KIAA0825: variants seen among roughly 807,000 people sequenced by gnomAD.
KIAA0825 encodes uncharacterized protein KIAA0825.
In KIAA0825, 119 loss-of-function variants were observed where a neutral mutation model predicts 147.6. That is an observed-to-expected ratio of 0.81 (90% CI 0.69 to 0.94). The LOEUF (loss-of-function observed/expected upper bound fraction) is 0.94, where lower values mean the gene tolerates loss of function less well. Ranked by LOEUF, KIAA0825 falls within the 40% of genes least tolerant of loss-of-function variation. The pLI is 0.00. For missense variants in KIAA0825, 1,381 were observed against 1,472.7 expected, an observed-to-expected ratio of 0.94 and a Z score of 1.02; for synonymous variants, 470 against 518.1, an observed-to-expected ratio of 0.91 and a Z score of 1.26.
At chr5:94,380,548 A>G (rs954402378) in intron 20 of KIAA0825, among the ~76,000 whole-genome samples, 10 of 152,268 alleles carry the variant, frequency 6.6e-5, no homozygotes, top group African/African-American at 2.4e-4. Context: ...AGATTAAAAG[A>G]CAATAAATAA....
rs1761438391 is a variant in KIAA0825, at chr5:94,473,213, A to G, written c.1455+79T>C. On this transcript the variant is annotated intron_variant, in intron 8 of 20. Coordinates refer to ENST00000682413, the MANE Select transcript of KIAA0825 (RefSeq NM_001145678.3). ...CAAGGGACTCCACCATTTGATCTAC[A>G]GGTCCTTTTTGCAATGCCTTATACT... is the stretch of plus-strand genomic sequence containing the variant. The G allele has an allele frequency of 4.6e-6, 5 of 1,091,574 alleles. No homozygotes were observed. The East Asian group carries it at 1.0e-4, about 23-fold the overall frequency. The allele number at this position is 1,091,574 out of a possible 1,614,324, so 67.6% of individuals were successfully genotyped here. A position where few individuals can be genotyped will look rare whatever the true frequency, so the allele number is the denominator to read the frequency against.
At chr5:94,524,943 C>T (rs1052518262) in intron 3 of KIAA0825, among the ~76,000 whole-genome samples, 9 of 151,744 alleles carry the variant, frequency 5.9e-5, no homozygotes, top group African/African-American at 2.2e-4. Context: ...AATTTCCATA[C>T]ACACTTATGT....
At chr5:94,391,483 T>A (rs1445456565) in intron 18 of KIAA0825, 52 bp downstream of exon 18, 1 of 1,539,660 alleles carries the variant, frequency 6.5e-7, no homozygotes, top group African/African-American at 1.4e-5. Flanking sequence ...CAGCAGACGC[T>A]GCCTCAGGCC....
intron 20 of KIAA0825, among the ~76,000 whole-genome samples, chr5:94,213,588 A>C (rs1311912756): frequency 6.6e-6 from 1 of 152,066 alleles, no homozygotes; most frequent in Non-Finnish European, 1.5e-5. Context: ...TGGGACCCAG[A>C]CTCTCATCTT....
intron 1 of KIAA0825, among the ~76,000 whole-genome samples, chr5:94,591,302 G>A (rs1784311365): frequency 6.6e-6 from 1 of 152,196 alleles, no homozygotes; most frequent in African/African-American, 2.4e-5. Context: ...ACAATCAATT[G>A]AAGGTTTGCT....
chr5:94,194,402 C>T (rs749416221), intron 20 of KIAA0825, among the ~76,000 whole-genome samples: 6 of 152,134 alleles, frequency 3.9e-5, no homozygotes, highest in Non-Finnish European at 7.3e-5. Context: ...TGGGATCTCA[C>T]TGAGTTTAAC....
At chr5:94,523,707 C>T (rs1181951845) in intron 4 of KIAA0825, among the ~76,000 whole-genome samples, 2 of 151,314 alleles carry the variant, frequency 1.3e-5, no homozygotes, top group Non-Finnish European at 3.0e-5. Flanking sequence ...AATATTGTAT[C>T]TCCATTTATA....
At chr5:94,219,520 A>T (rs1042151804) in intron 20 of KIAA0825, among the ~76,000 whole-genome samples, 3 of 152,188 alleles carry the variant, frequency 2.0e-5, no homozygotes, top group African/African-American at 7.2e-5. Flanking sequence ...CTGCTTAACA[A>T]TGAGGATACA....
intron 20 of KIAA0825, among the ~76,000 whole-genome samples, chr5:94,312,611 A>C (rs546594507): frequency 6.6e-6 from 1 of 151,778 alleles, no homozygotes; most frequent in African/African-American, 2.4e-5. Context: ...GTGTAAAAAA[A>C]CTCATTCTCT....
chr5:94,167,952 G>A (rs898058345), intron 20 of KIAA0825, among the ~76,000 whole-genome samples: 1 of 150,882 alleles, frequency 6.6e-6, no homozygotes, highest in Non-Finnish European at 1.5e-5. Context: ...AAGTTTATTT[G>A]TTTATTTTAC....
chr5:94,326,911 T>G (rs1165507819), intron 20 of KIAA0825, among the ~76,000 whole-genome samples: 1 of 152,168 alleles, frequency 6.6e-6, no homozygotes, highest in East Asian at 1.9e-4. Context: ...TCACAAATCT[T>G]GAGATGTGGT....
intron 20 of KIAA0825, among the ~76,000 whole-genome samples, chr5:94,242,132 A>C (rs1775376860): frequency 6.6e-6 from 1 of 152,208 alleles, no homozygotes; most frequent in African/African-American, 2.4e-5. Flanking sequence ...TGTATAATGA[A>C]CTTGCTTCCA....
At chr5:94,187,729 G>C (rs946709425) in intron 20 of KIAA0825, among the ~76,000 whole-genome samples, 1 of 152,094 alleles carries the variant, frequency 6.6e-6, no homozygotes, top group East Asian at 1.9e-4. Flanking sequence ...CAGACCGGGA[G>C]TTATTTTTTA....
chr5:94,213,294 T>C (rs1000032870), intron 20 of KIAA0825, among the ~76,000 whole-genome samples: 2 of 152,164 alleles, frequency 1.3e-5, no homozygotes, highest in African/African-American at 2.4e-5. Flanking sequence ...CCTATTGATA[T>C]TATCTACTAT....
At chr5:94,395,245 T>C (rs1209947887) in intron 17 of KIAA0825, among the ~76,000 whole-genome samples, 2 of 152,178 alleles carry the variant, frequency 1.3e-5, no homozygotes, top group African/African-American at 4.8e-5. Context: ...ATCACTACCA[T>C]GTACTAGTAA....
At chr5:94,206,557 C>T (rs1356992644) in intron 20 of KIAA0825, among the ~76,000 whole-genome samples, 1 of 152,114 alleles carries the variant, frequency 6.6e-6, no homozygotes, top group Non-Finnish European at 1.5e-5. Context: ...TATTTGTGCT[C>T]TGTGGGTTTT....
At chr5:94,177,679 T>C (rs1201002580) in intron 20 of KIAA0825, among the ~76,000 whole-genome samples, 1 of 152,116 alleles carries the variant, frequency 6.6e-6, no homozygotes, top group Non-Finnish European at 1.5e-5. Flanking sequence ...CTGCGTATTA[T>C]AATTTGTTAG....
chr5:94,612,281 T>C (rs1160993387), intron 1 of KIAA0825, among the ~76,000 whole-genome samples: 6 of 152,196 alleles, frequency 3.9e-5, no homozygotes, highest in Admixed American at 3.9e-4. Flanking sequence ...ATTTGTAAGT[T>C]TTAGCAGATG....
In KIAA0825 at chr5:94,154,044, T is replaced by G; in HGVS notation, c.3791A>C (p.Gln1264Pro). 6.4e-7 allele frequency: 1 copy of G among 1,551,724 alleles called. No individual in the cohort carries two copies. The highest frequency in any genetic ancestry group is 1.4e-5 in the African/African-American group (1 of 73,192). ...TATGTTATCTGAGGCAGAAGAGTTC[T>G]GTGGGGTGCAAATTTGTTTTAAGTG... ...LEHLKQICTP[Q>P]NSSASDNIEE... Residue 1264 changes from glutamine to proline, a missense_variant, in exon 21 of 21, where the codon CAG becomes CCG. Coordinates refer to ENST00000682413, the MANE Select transcript of KIAA0825 (RefSeq NM_001145678.3).
Sources: gnomAD v4.1 joint callset for allele counts (sites outside exome capture counted in the v4.1 genomes callset) on GRCh38, gnomAD v4.1.1 for gene constraint, MANE v1.5 for transcripts, NCBI Gene and HGNC (gene_info 2026-07-23, HGNC 2026-07-21) for gene names.